Variants in VGLL4 observed in about 807,000 individuals in gnomAD.
The protein encoded by VGLL4 is vestigial like family member 4, also known as transcription cofactor vestigial-like protein 4.
Under a neutral mutation model 21.0 loss-of-function variants are expected in VGLL4, and 7 were observed. The ratio of observed to expected loss-of-function variants is 0.33; its 90% CI spans 0.19 to 0.63. The LOEUF (loss-of-function observed/expected upper bound fraction) is 0.63, where lower values mean the gene tolerates loss of function less well. VGLL4 is among the 20% of genes least tolerant of loss of function. The pLI is 0.78. For missense variants in VGLL4, 394 were observed against 425.7 expected (o/e 0.93, Z 0.66); for synonymous variants, 222 against 173.2 (o/e 1.28, Z -2.21).
chr3:11,656,904 T>C (rs986464821), intron 2 of VGLL4, among the ~76,000 whole-genome samples: 2 of 152,070 alleles, frequency 1.3e-5, no homozygotes, highest in African/African-American at 4.8e-5. Context: ...AGAGGGGGTC[T>C]GGAAAGGAAG....
chr3:11,687,409 T>G (rs2076464360), intron 2 of VGLL4, among the ~76,000 whole-genome samples: 1 of 152,220 alleles, frequency 6.6e-6, no homozygotes, highest in Non-Finnish European at 1.5e-5. Context: ...TTAACATGTA[T>G]CTTGTTAGAT....
At chr3:11,633,885 G>C (rs1031915023) in intron 1 of VGLL4, among the ~76,000 whole-genome samples, 1 of 152,170 alleles carries the variant, frequency 6.6e-6, no homozygotes, top group African/African-American at 2.4e-5. Flanking sequence ...AGGTAAGCCG[G>C]AATGATATTC....
chr3:11,710,541 C>T (rs1189678770), intron 1 of VGLL4: 1 of 152,212 alleles, frequency 6.6e-6, no homozygotes, highest in Non-Finnish European at 1.5e-5. Flanking sequence ...TCCTGCCACA[C>T]ACAGTAACAG....
intron 2 of VGLL4, among the ~76,000 whole-genome samples, chr3:11,588,676 G>A (rs910448900): frequency 1.3e-5 from 2 of 152,270 alleles, no homozygotes; most frequent in Non-Finnish European, 2.9e-5. Flanking sequence ...GGCAATGACA[G>A]GAGGAAGGAG....
intron 2 of VGLL4, among the ~76,000 whole-genome samples, chr3:11,698,451 G>A (rs527873158): frequency 6.6e-6 from 1 of 152,342 alleles, no homozygotes; most frequent in South Asian, 2.1e-4. Context: ...AGAGATTGCA[G>A]TGAGCCGTGA....
chr3:11,665,313 C>T (rs904326293), intron 2 of VGLL4, among the ~76,000 whole-genome samples: 1 of 151,846 alleles, frequency 6.6e-6, no homozygotes, highest in African/African-American at 2.4e-5. Context: ...CGGGGTTTCA[C>T]CGTGTTAGCC....
chr3:11,708,358 G>A (rs2076791062), intron 1 of VGLL4, among the ~76,000 whole-genome samples: 1 of 152,206 alleles, frequency 6.6e-6, no homozygotes, highest in Non-Finnish European at 1.5e-5. Context: ...TAAAGAATGA[G>A]AAGAATTAGA....
At position 11,558,610 on chromosome 3, in the gene VGLL4, G is replaced by A; in HGVS notation, c.837C>T (p.Ala279=). Residue 279 remains alanine (A), a synonymous_variant, in exon 5 of 5, where the codon GCC becomes GCT. Coordinates refer to ENST00000430365, the MANE Select transcript of VGLL4 (RefSeq NM_001128219.3). ...PESASRRGQP[A]SPSAHMVSHS... is the part of the protein sequence containing the mutation. ...GGCTGACCATGTGGGCAGAGGGGCT[G>A]GCGGGCTGGCCCCTGCGAGAGGCGG... is the stretch of plus-strand genomic sequence containing the variant. 2 of 1,606,968 alleles carry A rather than the reference G, an allele frequency of 1.2e-6. No individual in the cohort carries two copies. The highest frequency in any genetic ancestry group is 1.7e-6 in the Non-Finnish European group (2 of 1,179,958).
chr3:11,579,002 C>T (rs1438881880), intron 2 of VGLL4, among the ~76,000 whole-genome samples: 4 of 152,066 alleles, frequency 2.6e-5, no homozygotes, highest in Non-Finnish European at 5.9e-5. Context: ...CCCGCCTCAG[C>T]CTCCCAAAGT....
rs1228813940 is a variant in VGLL4, at chr3:11,709,435, T to TCAA, written c.-13-6389_-13-6388insTTG. On this transcript the variant is annotated intron_variant, in intron 1 of 5. Coordinates refer to the VGLL4 transcript ENST00000273038. ...CCAGGGAACAGTGCAAGACTCCGTC[T>TCAA]AAAAAAAAAAAAAAAAAAAAAAAAA... Among the ~76,000 whole-genome samples, 19 of 108,832 alleles carry TCAA rather than the reference T, an allele frequency of 1.7e-4. 1 individual carries two copies. Among genetic ancestry groups the TCAA allele is most frequent in the African/African-American group, 5.7e-4 (17 of 29,834 alleles). The allele number at this position is 108,832 out of a possible 152,430, so 71.4% of individuals were successfully genotyped here. A position where few individuals can be genotyped will look rare whatever the true frequency, so the allele number is the denominator to read the frequency against.
chr3:11,671,236 T>A, intron 2 of VGLL4: 1 of 1,558,500 alleles, frequency 6.4e-7, no homozygotes, highest in South Asian at 1.1e-5. Context: ...ATTAAGAAAA[T>A]GTGAAAATCA....
chr3:11,637,231 T>G (rs1481069787), intron 1 of VGLL4, among the ~76,000 whole-genome samples: 1 of 152,328 alleles, frequency 6.6e-6, no homozygotes, highest in Admixed American at 6.5e-5. Flanking sequence ...CACCGGGTTG[T>G]TCATTTCTCT....
At chr3:11,636,964 G>A (rs1432594826) in intron 1 of VGLL4, among the ~76,000 whole-genome samples, 1 of 151,540 alleles carries the variant, frequency 6.6e-6, no homozygotes, top group Non-Finnish European at 1.5e-5. Flanking sequence ...GCTTCACATG[G>A]AGAAAACAAC....
intron 1 of VGLL4, among the ~76,000 whole-genome samples, chr3:11,628,345 G>A (rs1371517579): frequency 1.3e-5 from 2 of 151,004 alleles, no homozygotes; most frequent in Non-Finnish European, 2.9e-5. Flanking sequence ...CCGAGATCGT[G>A]CCATTGCAAG....
In VGLL4 at chr3:11,691,763, T is replaced by C. The variant is rs145041647; in HGVS notation, c.64+11208A>G. ...GGTAGTGCTGGGCACAATGTCCTCC[T>C]AATCCTCATCAGACCACATGGAAAA... is the stretch of plus-strand genomic sequence containing the variant. On this transcript the variant is annotated intron_variant, in intron 2 of 5. Transcript: ENST00000273038. Among the ~76,000 whole-genome samples, 789 of 152,222 alleles carry C rather than the reference T, an allele frequency of 5.2e-3. 3 individuals carry two copies. The highest frequency in any genetic ancestry group is 0.018 in the African/African-American group (740 of 41,526).
Position 11,565,081 on chromosome 3 carries a change from T to C in VGLL4, c.273-62A>G. On this transcript the variant is annotated intron_variant, in intron 2 of 4. Coordinates refer to ENST00000430365, the MANE Select transcript of VGLL4 (RefSeq NM_001128219.3). The surrounding 1 kb of genome is among the most constrained non-coding windows in gnomAD (Gnocchi z 4.1). ...TCAAAGGCAAAGGGGACAGTGACTG[T>C]GCGCCAGGCACTCCGTGTTGCTTAT... 7.3e-7 allele frequency: 1 copy of C among 1,377,932 alleles called. No homozygotes were observed. The highest frequency in any genetic ancestry group is 9.6e-7 in the Non-Finnish European group (1 of 1,044,710). 85.4% of individuals were successfully genotyped at this position (1,377,932 alleles called of 1,614,324 possible). A position where few individuals can be genotyped will look rare whatever the true frequency, so the allele number is the denominator to read the frequency against.
At chr3:11,680,730 A>C (rs2076356056) in intron 2 of VGLL4, among the ~76,000 whole-genome samples, 1 of 152,142 alleles carries the variant, frequency 6.6e-6, no homozygotes, top group South Asian at 2.1e-4. Context: ...AATGGAAAGG[A>C]CGCCTGCTAG....
rs1362577689 is a variant in VGLL4, at chr3:11,557,683, T to TTTTTGTTTAC, written c.*863_*872dup. Reference sequence around the variant, plus strand: ...GAAAAGAAGATAGTAAGTATTAAGGTTTTTGTTTACTGTCTATATAATTAA... The same window carrying TTTTTGTTTAC: ...GAAAAGAAGATAGTAAGTATTAAGGTTTTTGTTTACTTTTGTTTACTGTCTATATAATTAA... On this transcript the variant is annotated 3_prime_UTR_variant, in exon 5 of 5. Coordinates refer to ENST00000430365, the MANE Select transcript of VGLL4 (RefSeq NM_001128219.3). 6.6e-6 allele frequency: 1 copy of TTTTTGTTTAC among 152,640 alleles called. No individual in the cohort carries two copies. Among genetic ancestry groups the TTTTTGTTTAC allele is most frequent in the African/African-American group, 2.4e-5 (1 of 41,406 alleles). The allele number at this position is 152,640 out of a possible 1,614,324, so 9.5% of individuals were successfully genotyped here.
At chr3:11,632,982 CT>C (rs1279601391) in intron 1 of VGLL4, 1 of 152,220 alleles carries the variant, frequency 6.6e-6, no homozygotes, top group Non-Finnish European at 1.5e-5. Flanking sequence ...AAGCAGCCAA[CT>C]TCAAATGTTT....
Sources: gnomAD v4.1 joint callset for allele counts (sites outside exome capture counted in the v4.1 genomes callset) on GRCh38, gnomAD v4.1.1 for gene constraint, Gnocchi (gnomAD v3.1) non-coding constraint, MANE v1.5 for transcripts, NCBI Gene and HGNC (gene_info 2026-07-23, HGNC 2026-07-21) for gene names.